Variants in ULK1 observed in about 807,000 individuals in gnomAD.
ULK1 encodes the protein serine/threonine-protein kinase ULK1.
A neutral mutation model predicts 117.5 loss-of-function variants in ULK1; 48 were observed. The ratio of observed to expected loss-of-function variants is 0.41; its 90% CI spans 0.32 to 0.52. The LOEUF (loss-of-function observed/expected upper bound fraction) is 0.52. ULK1 is among the 20% of genes least tolerant of loss of function. The pLI is 0.29. For synonymous variants in ULK1, 790 were observed against 637.8 expected (o/e 1.24, Z -3.60); for missense variants, 1,387 against 1,473.4 (o/e 0.94, Z 0.96).
intron 5 of ULK1, among the ~76,000 whole-genome samples, chr12:131,907,875 G>C (rs1230608261): frequency 6.6e-6 from 1 of 152,010 alleles, no homozygotes. Flanking sequence ...GCCCTGTGGC[G>C]GATGGGAGGG....
At position 131,902,767 on chromosome 12, in the gene ULK1, A is replaced by T. The variant is rs1167497861; in HGVS notation, c.247-4125A>T. On this transcript the variant is annotated intron_variant, in intron 3 of 27. Coordinates refer to ENST00000321867, the MANE Select transcript of ULK1 (RefSeq NM_003565.4). The surrounding 1 kb of genome is among the most constrained non-coding windows in gnomAD (Gnocchi z 6.3). Reference sequence around the variant, plus strand: ...TGTGGCCACAACTGTGTGTGTCACCACGGGACGGACCCCCGGACCCTGTCT... The same window carrying T: ...TGTGGCCACAACTGTGTGTGTCACCTCGGGACGGACCCCCGGACCCTGTCT... Among the ~76,000 whole-genome samples, 2 of 152,026 alleles carry T rather than the reference A, an allele frequency of 1.3e-5. No homozygotes were observed. Among genetic ancestry groups the T allele is most frequent in the Non-Finnish European group, 1.5e-5 (1 of 67,990 alleles).
intron 5 of ULK1, 142 bp from the exon 6 acceptor site, chr12:131,908,502 C>CGTAT: frequency 9.6e-7 from 1 of 1,042,906 alleles, no homozygotes; most frequent in South Asian, 1.9e-5. Context: ...TGGCTTGTGC[C>CGTAT]CCTCCTGACC....
At position 131,894,960 on chromosome 12, in the gene ULK1, G is replaced by T; in HGVS notation, c.-42G>T. On this transcript the variant is annotated 5_prime_UTR_variant, in exon 1 of 28. Coordinates refer to ENST00000321867, the MANE Select transcript of ULK1 (RefSeq NM_003565.4). ...CCTCCGCCTGAGTCCCCCGCGCCTT[G>T]GCCCGCCACCCCCCGCCCCGCGCCC... 1.0e-5 allele frequency: 7 copies of T among 681,278 alleles called. No homozygotes were observed. Among genetic ancestry groups the T allele is most frequent in the African/African-American group, 2.5e-5 (1 of 40,002 alleles). 42.2% of individuals were successfully genotyped at this position (681,278 alleles called of 1,614,324 possible).
At chr12:131,910,168 C>T (rs564199846) in intron 10 of ULK1, 86 bp from the exon 11 acceptor site, 11 of 1,588,676 alleles carry the variant, frequency 6.9e-6, no homozygotes, top group East Asian at 4.5e-5. Flanking sequence ...GTGCCCAACG[C>T]GGCTGGAGCT....
intron 3 of ULK1, among the ~76,000 whole-genome samples, chr12:131,901,355 CAAAA>C (rs199720837): frequency 9.9e-6 from 1 of 100,862 alleles, no homozygotes; most frequent in Non-Finnish European, 2.2e-5. Flanking sequence ...AGACTCGTCT[CAAAA>C]AAAAAAAAAA....
chr12:131,907,398 G>T, intron 4 of ULK1, 97 bp from the exon 5 acceptor site: 1 of 1,497,402 alleles, frequency 6.7e-7, no homozygotes, highest in Non-Finnish European at 9.1e-7. Flanking sequence ...CGGGCTCAGG[G>T]AGTAGTGTCC....
intron 22 of ULK1, chr12:131,918,191 G>T (rs1330977444): frequency 2.1e-6 from 1 of 479,234 alleles, no homozygotes; most frequent in African/African-American, 2.0e-5. Flanking sequence ...CCAGACAGTG[G>T]CAGCTGCCCT....
intron 13 of ULK1, among the ~76,000 whole-genome samples, chr12:131,912,925 G>C (rs1457754154): frequency 6.6e-6 from 1 of 152,188 alleles, no homozygotes; most frequent in South Asian, 2.1e-4. Context: ...GGCCCCAGGG[G>C]TCTCTGGGGC....
In ULK1 at chr12:131,908,682, C is replaced by T. The variant is rs1326688919; in HGVS notation, c.355C>T (p.Leu119=). 6 of 1,587,180 alleles carry T rather than the reference C, an allele frequency of 3.8e-6. No individual in the cohort carries two copies. The highest frequency in any genetic ancestry group is 5.1e-6 in the Non-Finnish European group (6 of 1,170,130). ...TLSEDTIRLF[L]QQIAGAMRLL... is the part of the protein sequence containing the mutation. ...GAGCGAGGACACCATCAGGCTCTTCCTGCAGCAGATCGCGGGCGCCATGCG... is the reference window on the plus strand; with the variant it reads ...GAGCGAGGACACCATCAGGCTCTTCTTGCAGCAGATCGCGGGCGCCATGCG... The change falls in exon 6 of 28, where the codon CTG becomes TTG. Residue 119 remains leucine, a synonymous_variant. Transcript: ENST00000321867.
rs188261734 is a variant in ULK1 at position 131,920,722 on chromosome 12, C to G, written c.2962-378C>G. ...CAAAAACTCATGAGTGCCTGAGTCTCCTTTTTTAAGAAAATTTAAGCATGT... is the reference window on the plus strand; with the variant it reads ...CAAAAACTCATGAGTGCCTGAGTCTGCTTTTTTAAGAAAATTTAAGCATGT... On this transcript the variant is annotated intron_variant, in intron 26 of 27. Coordinates refer to ENST00000321867, the MANE Select transcript of ULK1 (RefSeq NM_003565.4). 4 of 244,646 alleles carry G rather than the reference C, an allele frequency of 1.6e-5. No individual in the cohort carries two copies. The Admixed American group carries it at 2.0e-4, about 12-fold the overall frequency. 15.2% of individuals were successfully genotyped at this position (244,646 alleles called of 1,614,324 possible). A position where few individuals can be genotyped will look rare whatever the true frequency, so the allele number is the denominator to read the frequency against.
At position 131,895,479 on chromosome 12, in the gene ULK1, C is replaced by T; in HGVS notation, c.112-122C>T. 5 of 806,402 alleles carry T rather than the reference C, an allele frequency of 6.2e-6. No homozygotes were observed. In the Admixed American group the frequency reaches 7.5e-5, roughly 12 times the overall value. The allele number at this position is 806,402 out of a possible 1,614,324, so 50.0% of individuals were successfully genotyped here. ...GCGATCCTCAACCTGGCTCCCCACT[C>T]GGCCTTCCAGTCCCGGGATTCCCAA... On this transcript the variant is annotated intron_variant, in intron 1 of 27. Transcript: ENST00000321867.
chr12:131,919,220 C>A lies in ULK1; in HGVS notation c.2520C>A (p.His840Gln). ...ACGGCCGCTTCCTGCAGCAAGAGCACACGGAGATCCTGCGTGGCCTGCGCT... is the reference window on the plus strand; with the variant it reads ...ACGGCCGCTTCCTGCAGCAAGAGCAAACGGAGATCCTGCGTGGCCTGCGCT... ...LPEETLMEQE[H>Q]TEILRGLRFT... Residue 840 changes from histidine (H) to glutamine (Q), a missense_variant, in exon 24 of 28, where the codon CAC (histidine) becomes CAA (glutamine). His to Gln is a conservative substitution (Grantham distance 24). Around this residue, in one of 4 missense-constraint regions of ULK1, gnomAD observed 900 missense variants for 858.9 expected, o/e 1.05. Coordinates refer to ENST00000321867, the MANE Select transcript of ULK1 (RefSeq NM_003565.4). The A allele has an allele frequency of 6.3e-7, 1 of 1,594,718 alleles. No individual in the cohort carries two copies.
At chr12:131,910,655 G>C (rs1021078380) in intron 11 of ULK1, 57 bp from the exon 12 acceptor site, 4 of 1,612,722 alleles carry the variant, frequency 2.5e-6, no homozygotes, top group Admixed American at 1.7e-5. Context: ...GGGTTGGCTC[G>C]AGGGTGAGGA....
chr12:131,911,489 C>G (rs1889532968), intron 12 of ULK1, among the ~76,000 whole-genome samples: 1 of 152,244 alleles, frequency 6.6e-6, no homozygotes, highest in African/African-American at 2.4e-5. Context: ...GCCACCACCG[C>G]ACGGATGGTG....
Position 131,919,200 on chromosome 12 carries a change from C to T in ULK1, c.2512-12C>T, listed in dbSNP as rs762126514. The T allele has an allele frequency of 4.5e-5, 71 of 1,586,466 alleles. No individual in the cohort carries two copies. In the Admixed American group the frequency reaches 6.7e-4, roughly 15 times the overall value. ...GGGCAGCACTTGCCGCCCTGACGGC[C>T]GCTTCCTGCAGCAAGAGCACACGGA... On this transcript the variant is annotated splice_polypyrimidine_tract_variant and intron_variant, in intron 23 of 27. Transcript: ENST00000321867.
chr12:131,915,985 C>T lies in ULK1; in HGVS notation c.1704C>T (p.Pro568=). Residue 568 remains proline, a synonymous_variant, in exon 19 of 28, where the codon CCC becomes CCT. Transcript: ENST00000321867. ...PNLSDLHVVR[P]KLPKPPTDPL... is the part of the protein sequence containing the mutation. ...TGTCTGACTTGCACGTCGTCCGCCCCAAGCTGCCCAAACCCCCCACGGACC... is the reference window on the plus strand; with the variant it reads ...TGTCTGACTTGCACGTCGTCCGCCCTAAGCTGCCCAAACCCCCCACGGACC... 1 of 1,612,508 alleles carries T rather than the reference C, an allele frequency of 6.2e-7. No individual in the cohort carries two copies. Among genetic ancestry groups the T allele is most frequent in the Non-Finnish European group, 8.5e-7 (1 of 1,179,808 alleles).
At chr12:131,914,778 G>A (rs1889698463) in intron 16 of ULK1, among the ~76,000 whole-genome samples, 1 of 152,232 alleles carries the variant, frequency 6.6e-6, no homozygotes, top group African/African-American at 2.4e-5. Context: ...ACAGAAGGCT[G>A]TGTGGGCCAG....
rs377542710 is a variant in ULK1, at chr12:131,921,155, G to A, written c.3017G>A (p.Arg1006His). The change falls in exon 27 of 28, where the codon CGC (arginine) becomes CAC (histidine). Residue 1006 changes from arginine to histidine, a missense_variant. This residue lies in a region of ULK1 where 900 missense variants were observed against 858.9 expected (regional missense o/e 1.05). Coordinates refer to ENST00000321867, the MANE Select transcript of ULK1 (RefSeq NM_003565.4). ...CAGCACCGTGAGGGCTGCGTCCCAC[G>A]CTACCACAAGGCCCTGCTGCTCCTG... ...MFQHREGCVP[R>H]YHKALLLLEG... 1.1e-5 allele frequency: 17 copies of A among 1,604,672 alleles called. 1 individual carries two copies. The highest frequency in any genetic ancestry group is 3.3e-5 in the Admixed American group (2 of 60,016).
intron 3 of ULK1, among the ~76,000 whole-genome samples, chr12:131,899,108 A>G (rs1337793689): frequency 6.6e-6 from 1 of 150,848 alleles, no homozygotes; most frequent in African/African-American, 2.4e-5. Flanking sequence ...TGAACGCCGG[A>G]CCTCACCTTC....
Sources: gnomAD v4.1 joint callset for allele counts (sites outside exome capture counted in the v4.1 genomes callset) on GRCh38, gnomAD v4.1.1 for gene constraint, gnomAD v4.1.1 regional missense constraint, Gnocchi (gnomAD v3.1) non-coding constraint, MANE v1.5 for transcripts, NCBI Gene and HGNC (gene_info 2026-07-23, HGNC 2026-07-21) for gene names.